The following CNTNAP2 variants were observed in gnomAD, a reference collection of about 807,000 sequenced individuals.
CNTNAP2 encodes contactin-associated protein-like 2.
Under a neutral mutation model 155.2 loss-of-function variants are expected in CNTNAP2, and 98 were observed. That is an observed-to-expected ratio of 0.63 (90% CI 0.54 to 0.75). The LOEUF (loss-of-function observed/expected upper bound fraction) is 0.75. Among genes scored for constraint, CNTNAP2 ranks in the 30% least tolerant of loss-of-function variants. CNTNAP2 has a pLI of 0.00. For missense variants in CNTNAP2, 1,727 were observed against 1,688.1 expected (o/e 1.02, Z -0.40); for synonymous variants, 651 against 631.2 (o/e 1.03, Z -0.47).
intron 8 of CNTNAP2, among the ~76,000 whole-genome samples, chr7:147,166,430 T>C (rs1002017268): frequency 2.6e-5 from 4 of 152,166 alleles, no homozygotes; most frequent in Middle Eastern, 3.4e-3. Flanking sequence ...AGACTACAAA[T>C]TGAGTTCAGT....
intron 3 of CNTNAP2, among the ~76,000 whole-genome samples, chr7:146,976,396 A>G (rs1362024934): frequency 3.9e-5 from 6 of 152,138 alleles, no homozygotes; most frequent in Non-Finnish European, 8.8e-5. Context: ...TTCCCATGCC[A>G]GTTGCAAGCC....
At chr7:148,070,705 G>A (rs866386308) in intron 15 of CNTNAP2, among the ~76,000 whole-genome samples, 3 of 152,254 alleles carry the variant, frequency 2.0e-5, no homozygotes, top group Admixed American at 1.3e-4. Context: ...GTGACAGAGC[G>A]AGACTCCTTC....
intron 1 of CNTNAP2, among the ~76,000 whole-genome samples, chr7:146,407,584 C>T (rs1408463364): frequency 6.6e-6 from 1 of 152,150 alleles, no homozygotes; most frequent in African/African-American, 2.4e-5. Context: ...CCAACATAGA[C>T]AACCTCTTCC....
intron 8 of CNTNAP2, among the ~76,000 whole-genome samples, chr7:147,274,090 T>C (rs1804836435): frequency 6.6e-6 from 1 of 151,762 alleles, no homozygotes; most frequent in Non-Finnish European, 1.5e-5. Flanking sequence ...TTCCTAGTCA[T>C]CTGTTGATAC....
intron 15 of CNTNAP2, among the ~76,000 whole-genome samples, chr7:148,011,149 T>C (rs1802074197): frequency 6.6e-6 from 1 of 152,152 alleles, no homozygotes; most frequent in South Asian, 2.1e-4. Context: ...TGAAATTATA[T>C]GTATATATAT....
chr7:147,387,800 G>A (rs1796648191), intron 9 of CNTNAP2, among the ~76,000 whole-genome samples: 1 of 152,142 alleles, frequency 6.6e-6, no homozygotes, highest in Non-Finnish European at 1.5e-5. Flanking sequence ...TCGTTCATTA[G>A]ATGGGGGTGG....
intron 8 of CNTNAP2, among the ~76,000 whole-genome samples, chr7:147,239,335 G>A (rs1342115670): frequency 5.3e-5 from 8 of 151,736 alleles, no homozygotes; most frequent in African/African-American, 1.2e-4. Context: ...GTGAAATCCC[G>A]TCTCTACTAA....
chr7:146,265,126 A>ATG (rs898822832), intron 1 of CNTNAP2, among the ~76,000 whole-genome samples: 1 of 152,192 alleles, frequency 6.6e-6, no homozygotes, highest in African/African-American at 2.4e-5. Flanking sequence ...CTTAAAAAAT[A>ATG]TGTGTGTCTG....
intron 3 of CNTNAP2, among the ~76,000 whole-genome samples, chr7:146,854,667 T>C (rs1039160252): frequency 3.9e-5 from 6 of 152,158 alleles, no homozygotes; most frequent in African/African-American, 1.4e-4. Flanking sequence ...ACTTAGTACA[T>C]AGATACTTAG....
intron 1 of CNTNAP2, among the ~76,000 whole-genome samples, chr7:146,641,019 G>A (rs13235730): frequency 5.3e-5 from 8 of 152,080 alleles, no homozygotes; most frequent in African/African-American, 1.9e-4. Context: ...CCTTCCAATA[G>A]TTTGCAATTG....
chr7:147,040,272 A>G (rs777621504), intron 3 of CNTNAP2, among the ~76,000 whole-genome samples: 2 of 152,168 alleles, frequency 1.3e-5, no homozygotes, highest in Non-Finnish European at 2.9e-5. Flanking sequence ...TATCTGCTAC[A>G]TAGAAGACTC....
intron 3 of CNTNAP2, among the ~76,000 whole-genome samples, chr7:146,955,416 C>G (rs1797412373): frequency 6.6e-6 from 1 of 151,938 alleles, no homozygotes; most frequent in Non-Finnish European, 1.5e-5. Context: ...AAGTTAGTCA[C>G]TCAATGCCCT....
At chr7:146,934,519 A>G (rs1359824580) in intron 3 of CNTNAP2, among the ~76,000 whole-genome samples, 1 of 152,006 alleles carries the variant, frequency 6.6e-6, no homozygotes, top group Non-Finnish European at 1.5e-5. Context: ...TAATGGGTGC[A>G]GCACACTAGC....
intron 3 of CNTNAP2, among the ~76,000 whole-genome samples, chr7:147,008,536 A>T (rs1280047396): frequency 3.3e-5 from 5 of 152,004 alleles, no homozygotes; most frequent in Non-Finnish European, 7.4e-5. Context: ...AAGATTAGTT[A>T]ACAAAAGAAA....
intron 21 of CNTNAP2, among the ~76,000 whole-genome samples, chr7:148,322,203 G>A (rs144851085): frequency 1.1e-4 from 16 of 152,254 alleles, no homozygotes; most frequent in African/African-American, 3.1e-4. Flanking sequence ...TATTATAGGC[G>A]TGAGCCACCG....
chr7:146,407,229 A>G (rs1795805358), intron 1 of CNTNAP2, among the ~76,000 whole-genome samples: 1 of 152,216 alleles, frequency 6.6e-6, no homozygotes, highest in Admixed American at 6.5e-5. Flanking sequence ...AATAATTGGT[A>G]TTTATACTTA....
At chr7:147,498,056 T>A (rs1457769222) in intron 11 of CNTNAP2, among the ~76,000 whole-genome samples, 1 of 152,008 alleles carries the variant, frequency 6.6e-6, no homozygotes, top group Non-Finnish European at 1.5e-5. Context: ...GCGTATTAGA[T>A]GCCCTTGAGT....
chr7:146,342,603 TA>T (rs1365316418), intron 1 of CNTNAP2, among the ~76,000 whole-genome samples: 3 of 152,184 alleles, frequency 2.0e-5, no homozygotes, highest in Admixed American at 6.5e-5. Context: ...TTCTAGATAT[TA>T]AAAAGCATAT....
intron 1 of CNTNAP2, among the ~76,000 whole-genome samples, chr7:146,594,964 T>C (rs1414333447): frequency 1.3e-5 from 2 of 152,082 alleles, no homozygotes; most frequent in African/African-American, 4.8e-5. Context: ...ATCATATCTT[T>C]ACCATCCATA....
Sources: gnomAD v4.1 joint callset for allele counts (sites outside exome capture counted in the v4.1 genomes callset) on GRCh38, gnomAD v4.1.1 for gene constraint, MANE v1.5 for transcripts, NCBI Gene and HGNC (gene_info 2026-07-23, HGNC 2026-07-21) for gene names.